GRIN2B: variants seen among roughly 807,000 people sequenced by gnomAD.
GRIN2B encodes the protein glutamate receptor ionotropic, NMDA 2B.
In GRIN2B, 5 loss-of-function variants were observed where a neutral mutation model predicts 114.5. The observed-to-expected ratio is 0.04, with a 90% CI of 0.02 to 0.09. The LOEUF is 0.09. Ranked by LOEUF, GRIN2B falls within the 10% of genes least tolerant of loss-of-function variation. The pLI is 1.00. For synonymous variants in GRIN2B, 787 were observed against 745.1 expected, an observed-to-expected ratio of 1.06 and a Z score of -0.92; for missense variants, 1,108 against 1,943.5, an observed-to-expected ratio of 0.57 and a Z score of 8.08.
intron 2 of GRIN2B, among the ~76,000 whole-genome samples, chr12:13,944,306 C>T (rs1327350612): frequency 6.6e-6 from 1 of 152,180 alleles, no homozygotes; most frequent in Non-Finnish European, 1.5e-5. Context: ...TACAACCCAA[C>T]ATTTCACAAC....
intron 10 of GRIN2B, among the ~76,000 whole-genome samples, chr12:13,605,670 C>T (rs935265880): frequency 3.3e-5 from 5 of 151,918 alleles, no homozygotes; most frequent in African/African-American, 1.2e-4. Context: ...TGTGCATATC[C>T]TGTCCGCTTT....
At chr12:13,677,258 A>T (rs922884045) in intron 4 of GRIN2B, among the ~76,000 whole-genome samples, 3 of 152,144 alleles carry the variant, frequency 2.0e-5, no homozygotes, top group Admixed American at 6.5e-5. Flanking sequence ...TGAGGATGCT[A>T]AAGGAGGCAG....
chr12:13,759,837 G>T (rs1466260525), intron 3 of GRIN2B, among the ~76,000 whole-genome samples: 2 of 152,192 alleles, frequency 1.3e-5, no homozygotes, highest in African/African-American at 4.8e-5. Context: ...CAGCACCCTT[G>T]ATTTTGATCC....
chr12:13,948,106 G>A (rs1367517298), intron 2 of GRIN2B, among the ~76,000 whole-genome samples: 1 of 152,154 alleles, frequency 6.6e-6, no homozygotes, highest in Admixed American at 6.5e-5. Flanking sequence ...GGATAAGATG[G>A]TATCTAAAAG....
chr12:13,904,895 T>C (rs1866512905), intron 2 of GRIN2B, among the ~76,000 whole-genome samples: 1 of 152,200 alleles, frequency 6.6e-6, no homozygotes, highest in Admixed American at 6.5e-5. Flanking sequence ...TTTTCTGCTA[T>C]AATATTATGA....
chr12:13,828,950 C>T (rs1382149592), intron 3 of GRIN2B, among the ~76,000 whole-genome samples: 1 of 152,080 alleles, frequency 6.6e-6, no homozygotes, highest in East Asian at 1.9e-4. Context: ...TTTTTCTGAC[C>T]TTGATTTCTA....
Position 13,548,784 on chromosome 12 carries a change from T to C in GRIN2B, c.*13999A>G, listed in dbSNP as rs1480715796. On this transcript the variant is annotated 3_prime_UTR_variant, in exon 14 of 14. Coordinates refer to ENST00000609686, the MANE Select transcript of GRIN2B (RefSeq NM_000834.5). Reference sequence around the variant, plus strand: ...GCTTGATTTTTTTTAGATTAAAAAATTAGTCTAGTGCCCACCTCCTCCCCC... The same window carrying C: ...GCTTGATTTTTTTTAGATTAAAAAACTAGTCTAGTGCCCACCTCCTCCCCC... The C allele has an allele frequency of 6.6e-6, 1 of 150,732 alleles. No homozygotes were observed. The highest frequency in any genetic ancestry group is 6.6e-5 in the Admixed American group (1 of 15,166). 9.3% of individuals were successfully genotyped at this position (150,732 alleles called of 1,614,324 possible).
At chr12:13,891,169 A>T (rs1866255345) in intron 2 of GRIN2B, among the ~76,000 whole-genome samples, 1 of 152,208 alleles carries the variant, frequency 6.6e-6, no homozygotes, top group South Asian at 2.1e-4. Flanking sequence ...TATTTTACAT[A>T]CTTGAAGACA....
chr12:13,712,226 T>G, intron 4 of GRIN2B, among the ~76,000 whole-genome samples: 1 of 144,568 alleles, frequency 6.9e-6, no homozygotes. Flanking sequence ...CCGGGGCCTG[T>G]TGTAGGGTGG....
rs902112721 is a variant in GRIN2B at position 13,637,674 on chromosome 12, A to T, written c.1126-21017T>A. ...AAGCTAACAAATTATTATCATTCAT[A>T]ACCTAATAGTAAGCAGGACCCTGAT... On this transcript the variant is annotated intron_variant, in intron 5 of 13. Coordinates refer to ENST00000609686, the MANE Select transcript of GRIN2B (RefSeq NM_000834.5). Among the ~76,000 whole-genome samples the T allele has an allele frequency of 8.5e-5, 13 of 152,298 alleles. No individual in the cohort carries two copies. The East Asian group carries it at 2.5e-3, about 29-fold the overall frequency.
intron 2 of GRIN2B, among the ~76,000 whole-genome samples, chr12:13,905,431 G>C (rs77545998): frequency 3.3e-5 from 5 of 152,196 alleles, no homozygotes; most frequent in East Asian, 3.9e-4. Flanking sequence ...GCGCTTTCCT[G>C]GTTCCTGGAG....
chr12:13,665,618 A>G (rs1225081420), intron 5 of GRIN2B, among the ~76,000 whole-genome samples: 1 of 152,184 alleles, frequency 6.6e-6, no homozygotes, highest in East Asian at 1.9e-4. Context: ...GACTTTGGGA[A>G]AATCATGTGA....
intron 3 of GRIN2B, among the ~76,000 whole-genome samples, chr12:13,756,552 T>G (rs1863579951): frequency 6.6e-6 from 1 of 152,096 alleles, no homozygotes; most frequent in South Asian, 2.1e-4. Context: ...GATTCCGAAA[T>G]GAGAAATATT....
At chr12:13,714,340 T>C (rs1950438542) in intron 4 of GRIN2B, among the ~76,000 whole-genome samples, 1 of 151,860 alleles carries the variant, frequency 6.6e-6, no homozygotes, top group Non-Finnish European at 1.5e-5. Flanking sequence ...GAAAAAATAG[T>C]CCATGACAGA....
At chr12:13,579,391 G>A (rs1461279101) in intron 10 of GRIN2B, among the ~76,000 whole-genome samples, 2 of 152,212 alleles carry the variant, frequency 1.3e-5, no homozygotes, top group Admixed American at 6.5e-5. Context: ...TGATAGCTGT[G>A]TGACCTTGAT....
intron 2 of GRIN2B, among the ~76,000 whole-genome samples, chr12:13,957,449 C>G (rs1019063652): frequency 2.0e-5 from 3 of 152,106 alleles, no homozygotes; most frequent in Non-Finnish European, 4.4e-5. Context: ...GACAGAAGCA[C>G]CCAATGAACT....
intron 4 of GRIN2B, among the ~76,000 whole-genome samples, chr12:13,718,807 TATA>T (rs1950481938): frequency 6.6e-6 from 1 of 151,960 alleles, no homozygotes; most frequent in Admixed American, 6.6e-5. Context: ...TAAAAGGGGA[TATA>T]ATGACTGGCT....
At chr12:13,574,946 C>T (rs183784473) in intron 10 of GRIN2B, among the ~76,000 whole-genome samples, 6 of 152,134 alleles carry the variant, frequency 3.9e-5, no homozygotes, top group African/African-American at 1.4e-4. Flanking sequence ...GTGCAAGGGC[C>T]ATTCAGTGGA....
At chr12:13,596,351 G>A (rs1304733423) in intron 10 of GRIN2B, among the ~76,000 whole-genome samples, 1 of 152,202 alleles carries the variant, frequency 6.6e-6, no homozygotes, top group Non-Finnish European at 1.5e-5. Flanking sequence ...ATGTGTAGAG[G>A]AGTTTCACAG....
Sources: gnomAD v4.1 joint callset for allele counts (sites outside exome capture counted in the v4.1 genomes callset) on GRCh38, gnomAD v4.1.1 for gene constraint, MANE v1.5 for transcripts, NCBI Gene and HGNC (gene_info 2026-07-23, HGNC 2026-07-21) for gene names.